The following CHN2 variants were observed in gnomAD, a reference collection of about 807,000 sequenced individuals.
CHN2 encodes the protein beta-chimaerin.
CHN2 carries 35 observed loss-of-function variants against 56.3 expected under a neutral mutation model. That is an observed-to-expected ratio of 0.62 (90% CI 0.47 to 0.82). The LOEUF is 0.82. Ranked by LOEUF, CHN2 falls within the 40% of genes least tolerant of loss-of-function variation. The pLI is 0.00. For synonymous variants in CHN2, 210 were observed against 212.8 expected (o/e 0.99, Z 0.12); for missense variants, 491 against 580.5 (o/e 0.85, Z 1.58).
chr7:29,279,963 T>C (rs1584948809), intron 1 of CHN2, among the ~76,000 whole-genome samples: 1 of 152,090 alleles, frequency 6.6e-6, no homozygotes, highest in Admixed American at 6.5e-5. Flanking sequence ...GTTGTCAAAA[T>C]CAAGAGGCCC....
At position 29,484,086 on chromosome 7, in the gene CHN2, C is replaced by T. The variant is rs1585566410; in HGVS notation, c.654+3730C>T. 135 of 403,056 alleles carry T rather than the reference C, an allele frequency of 3.3e-4. 2 individuals are homozygous for T. The highest frequency in any genetic ancestry group is 2.6e-3 in the South Asian group (134 of 51,668). 25.0% of individuals were successfully genotyped at this position (403,056 alleles called of 1,614,324 possible). On this transcript the variant is annotated intron_variant, in intron 7 of 12. Transcript: ENST00000222792. ...ATTTTCTACCCTCTCTTCTTCATGG[C>T]TTTTTTTCTTTTGTCTCTTTTCTAC...
At position 29,271,088 on chromosome 7, in the gene CHN2, C is replaced by T. The variant is rs576178404; in HGVS notation, c.49+76098C>T. On this transcript the variant is annotated intron_variant, in intron 1 of 12. Transcript: ENST00000222792. ...GATTCAAAACTCTGCCAAACAGAAA[C>T]GATTAACCTTGAGGTGGGGGTGGAA... 7.2e-5 allele frequency among the ~76,000 whole-genome samples: 11 copies of T among 152,112 alleles called. No individual in the cohort carries two copies. In the East Asian group the frequency reaches 1.9e-3, roughly 27 times the overall value.
chr7:29,474,439 T>C (rs1744371142), intron 6 of CHN2, among the ~76,000 whole-genome samples: 1 of 152,206 alleles, frequency 6.6e-6, no homozygotes, highest in Non-Finnish European at 1.5e-5. Flanking sequence ...ACATGAACTT[T>C]TCCCGGCTTT....
At chr7:29,196,733 A>G (rs1562822741) in intron 1 of CHN2, among the ~76,000 whole-genome samples, 1 of 152,180 alleles carries the variant, frequency 6.6e-6, no homozygotes, top group African/African-American at 2.4e-5. Context: ...AGCTTAAGAA[A>G]CCTGATTGAA....
intron 1 of CHN2, among the ~76,000 whole-genome samples, chr7:29,253,193 G>C (rs185519372): frequency 1.3e-5 from 2 of 152,280 alleles, no homozygotes; most frequent in Admixed American, 1.3e-4. Context: ...TTCAAGGCTG[G>C]TGTAGAAGCC....
At chr7:29,270,769 C>T (rs994239388) in intron 1 of CHN2, among the ~76,000 whole-genome samples, 1 of 151,768 alleles carries the variant, frequency 6.6e-6, no homozygotes, top group African/African-American at 2.4e-5. Context: ...ATTGTGGTTA[C>T]TGATTAAGAA....
intron 6 of CHN2, among the ~76,000 whole-genome samples, chr7:29,460,673 C>T (rs1785099313): frequency 6.6e-6 from 1 of 152,316 alleles, no homozygotes; most frequent in East Asian, 1.9e-4. Context: ...ATCAGTAATT[C>T]TTAGAGTCCA....
intron 3 of CHN2, among the ~76,000 whole-genome samples, chr7:29,378,810 G>GA: frequency 6.6e-6 from 1 of 152,140 alleles, no homozygotes; most frequent in East Asian, 1.9e-4. Context: ...TTGAAAATAT[G>GA]AAAAATTAGC....
At chr7:29,356,547 T>A (rs1798329810) in intron 2 of CHN2, among the ~76,000 whole-genome samples, 2 of 152,322 alleles carry the variant, frequency 1.3e-5, no homozygotes, top group African/African-American at 4.8e-5. Flanking sequence ...ATGCTTCATG[T>A]TAGGCATTTT....
chr7:29,280,379 G>A (rs1029657651), intron 1 of CHN2, among the ~76,000 whole-genome samples: 13 of 35,392 alleles, frequency 3.7e-4, no homozygotes, highest in East Asian at 0.026. Context: ...GCGAGGCTCC[G>A]TCTCATAAAT....
At chr7:29,236,857 C>G (rs1787231825) in intron 1 of CHN2, among the ~76,000 whole-genome samples, 1 of 152,184 alleles carries the variant, frequency 6.6e-6, no homozygotes, top group African/African-American at 2.4e-5. Context: ...TCTGTCATCA[C>G]TTCTCTTGAC....
intron 1 of CHN2, among the ~76,000 whole-genome samples, chr7:29,232,567 T>G (rs1287170376): frequency 6.6e-6 from 1 of 152,226 alleles, no homozygotes; most frequent in Non-Finnish European, 1.5e-5. Context: ...ATTTTGCAGA[T>G]TTAATTTCAT....
chr7:29,240,494 G>A (rs1376585632), intron 1 of CHN2, among the ~76,000 whole-genome samples: 3 of 152,190 alleles, frequency 2.0e-5, no homozygotes, highest in Admixed American at 6.5e-5. Flanking sequence ...GTCTTGGGCA[G>A]GTAGAAGAAA....
intron 2 of CHN2, among the ~76,000 whole-genome samples, chr7:29,355,137 T>A (rs1798196068): frequency 6.6e-6 from 1 of 151,638 alleles, no homozygotes; most frequent in African/African-American, 2.4e-5. Context: ...CCCGGCTAAT[T>A]TTTTTGTATT....
intron 6 of CHN2, among the ~76,000 whole-genome samples, chr7:29,454,536 A>AGG (rs1784618948): frequency 1.3e-5 from 2 of 152,218 alleles, no homozygotes; most frequent in Admixed American, 6.5e-5. Flanking sequence ...AGGATGGGCC[A>AGG]GGTTAGGCTG....
At chr7:29,215,278 C>G (rs34145862) in intron 1 of CHN2, among the ~76,000 whole-genome samples, 20,133 of 152,200 alleles carry the variant, frequency 0.13, 1,701 homozygotes, top group Non-Finnish European at 0.19. Context: ...TACAGTGGCA[C>G]AGGTACAGCC....
At chr7:29,336,370 G>A (rs1018943) in intron 1 of CHN2, among the ~76,000 whole-genome samples, 43,809 of 151,962 alleles carry the variant, frequency 0.29, 6,757 homozygotes, top group East Asian at 0.35. Flanking sequence ...CCAGCACTTC[G>A]GGAGTCAAGG....
At chr7:29,241,432 A>T (rs1432744947) in intron 1 of CHN2, among the ~76,000 whole-genome samples, 1 of 152,060 alleles carries the variant, frequency 6.6e-6, no homozygotes, top group Non-Finnish European at 1.5e-5. Flanking sequence ...AAACTGTGCA[A>T]ACTTCTCAAG....
chr7:29,180,110 AT>A (rs1797869463), intron 2 of CHN2, among the ~76,000 whole-genome samples: 1 of 152,242 alleles, frequency 6.6e-6, no homozygotes, highest in Non-Finnish European at 1.5e-5. Flanking sequence ...CATTCTTAAT[AT>A]TCCGAAGTCA....
Sources: allele counts gnomAD v4.1 joint callset (sites outside exome capture counted in the v4.1 genomes callset), GRCh38; gene constraint gnomAD v4.1.1; transcripts MANE v1.5; gene names NCBI Gene and HGNC (gene_info 2026-07-23, HGNC 2026-07-21).